Variants in IQSEC3 observed in about 807,000 individuals in gnomAD.
The protein encoded by IQSEC3 is IQ motif and Sec7 domain ArfGEF 3.
A neutral mutation model predicts 105.4 loss-of-function variants in IQSEC3; 50 were observed. The ratio of observed to expected loss-of-function variants is 0.47; its 90% CI spans 0.38 to 0.60. IQSEC3 has a LOEUF of 0.60. Among genes scored for constraint, IQSEC3 ranks in the 20% least tolerant of loss-of-function variants. The pLI is 0.00. For missense variants in IQSEC3, 1,415 were observed against 1,630.0 expected (o/e 0.87, Z 2.27); for synonymous variants, 708 against 746.0 (o/e 0.95, Z 0.83).
intron 5 of IQSEC3, among the ~76,000 whole-genome samples, chr12:146,386 C>T (rs2137018537): frequency 6.6e-6 from 1 of 152,352 alleles, no homozygotes; most frequent in South Asian, 2.1e-4. Context: ...GAGGCCAAGG[C>T]ATCAGAATCA....
intron 1 of IQSEC3, among the ~76,000 whole-genome samples, chr12:71,790 T>C (rs1235202022): frequency 7.2e-5 from 11 of 152,282 alleles, no homozygotes; most frequent in African/African-American, 1.9e-4. Flanking sequence ...TGGCATCGTA[T>C]GGCCCATGCT....
chr12:81,007 G>A (rs2136883189), intron 1 of IQSEC3, among the ~76,000 whole-genome samples: 1 of 151,704 alleles, frequency 6.6e-6, no homozygotes, highest in Middle Eastern at 3.4e-3. Context: ...GGGCATGGGA[G>A]GGTAGGAGGG....
rs1159592072 is a variant in IQSEC3 at position 152,815 on chromosome 12, A to G, written c.2154-4210A>G. 1.3e-5 allele frequency among the ~76,000 whole-genome samples: 2 copies of G among 152,210 alleles called. No individual in the cohort carries two copies. Among genetic ancestry groups the G allele is most frequent in the Non-Finnish European group, 2.9e-5 (2 of 68,044 alleles). ...GCTGTGGGAGCATGGGGCCAGCCCT[A>G]CGTGGCATTAGTTTTGTCTTCTGTA... On this transcript the variant is annotated intron_variant, in intron 5 of 13. Transcript: ENST00000538872. The surrounding 1 kb of genome is among the most constrained non-coding windows in gnomAD (Gnocchi z 4.8).
intron 3 of IQSEC3, among the ~76,000 whole-genome samples, chr12:127,668 C>T (rs12313653): frequency 0.037 from 5,620 of 152,128 alleles, 339 homozygotes; most frequent in African/African-American, 0.12. Context: ...TCAGGCCCTT[C>T]GCCCACTTTT....
chr12:163,438 G>A (rs528624727), intron 8 of IQSEC3, 56 bp from the exon 9 acceptor site: 2 of 1,524,032 alleles, frequency 1.3e-6, no homozygotes, highest in Non-Finnish European at 1.8e-6. Context: ...GGGCGCGTGG[G>A]TGGGGAGGCC....
intron 3 of IQSEC3, among the ~76,000 whole-genome samples, chr12:133,125 C>G (rs1179230561): frequency 6.6e-6 from 1 of 152,152 alleles, no homozygotes; most frequent in African/African-American, 2.4e-5. Flanking sequence ...GCAGACAGGG[C>G]TGAGAAGGTA....
chr12:136,961 C>T (rs73036139), intron 3 of IQSEC3, among the ~76,000 whole-genome samples: 31,796 of 151,970 alleles, frequency 0.21, 3,768 homozygotes, highest in Non-Finnish European at 0.26. Context: ...AGGACAGAGC[C>T]GAGAGGAGGC....
intron 13 of IQSEC3, among the ~76,000 whole-genome samples, chr12:172,232 C>T (rs1939042760): frequency 6.6e-6 from 1 of 151,574 alleles, no homozygotes; most frequent in Non-Finnish European, 1.5e-5. Context: ...TGGCCCCCCA[C>T]CCCCCACACA....
Position 67,292 on chromosome 12 carries a change from C to T in IQSEC3, c.410C>T (p.Ser137Leu), listed in dbSNP as rs182788055. 32 of 1,598,176 alleles carry T rather than the reference C, an allele frequency of 2.0e-5. No homozygotes were observed. Among genetic ancestry groups the T allele is most frequent in the African/African-American group, 4.0e-5 (3 of 75,010 alleles). Residue 137 changes from serine to leucine, a missense_variant, in exon 1 of 14, where the codon TCG (serine) becomes TTG (leucine). By Grantham distance (145) the Ser-to-Leu change is moderately radical. Around this residue, in one of 6 missense-constraint regions of IQSEC3, gnomAD observed 26 missense variants for 108.1 expected, o/e 0.24. Transcript: ENST00000538872. ...GGCAGCAGGGCTCACACACCCCAGT[C>T]GCCCCACAAGCATCTGGGGACACAA... ...GPGSRAHTPQ[S>L]PHKHLGTQGA...
In IQSEC3 at chr12:141,171, C is replaced by G; in HGVS notation, c.2039C>G (p.Pro680Arg). 6.2e-7 allele frequency: 1 copy of G among 1,613,676 alleles called. No individual in the cohort carries two copies. Among genetic ancestry groups the G allele is most frequent in the Non-Finnish European group, 8.5e-7 (1 of 1,179,896 alleles). Residue 680 changes from proline (P) to arginine (R), a missense_variant, in exon 5 of 14, where the codon CCG (proline) becomes CGG (arginine). Pro to Arg is a moderately radical substitution (Grantham distance 103). Around this residue, in one of 6 missense-constraint regions of IQSEC3, gnomAD observed 213 missense variants for 306.2 expected, o/e 0.70. Transcript: ENST00000538872. ...TTCCTGATCTCACGCGGCTTCATCC[C>G]GGACACCCCCATCGGTGTGGCCCAT... ...IQFLISRGFI[P>R]DTPIGVAHFL...
chr12:93,567 C>T (rs1453555645), intron 1 of IQSEC3, among the ~76,000 whole-genome samples: 1 of 152,184 alleles, frequency 6.6e-6, no homozygotes, highest in African/African-American at 2.4e-5. Flanking sequence ...TTGGAGGCAG[C>T]GTCAGAGGAT....
chr12:157,456 C>A, intron 6 of IQSEC3, 72 bp from the exon 7 acceptor site: 1 of 1,484,082 alleles, frequency 6.7e-7, no homozygotes, highest in Non-Finnish European at 9.1e-7. Context: ...CCTGGACACC[C>A]CCTTCCTTTG....
Position 174,583 on chromosome 12 carries a change from G to A in IQSEC3, c.3115-16G>A, listed in dbSNP as rs1413771942. 1.3e-6 allele frequency: 2 copies of A among 1,519,160 alleles called. No individual in the cohort carries two copies. Among genetic ancestry groups the A allele is most frequent in the South Asian group, 1.3e-5 (1 of 79,082 alleles). The allele number at this position is 1,519,160 out of a possible 1,614,324, so 94.1% of individuals were successfully genotyped here. A position where few individuals can be genotyped will look rare whatever the true frequency, so the allele number is the denominator to read the frequency against. On this transcript the variant is annotated splice_polypyrimidine_tract_variant and intron_variant, in intron 13 of 13. Transcript: ENST00000538872. ...TCTTGTAACATTTCATGCTTCTCTG[G>A]CTGTTTCTAAACTAGGTGTCAATTC...
At chr12:125,083 T>C (rs7316033) in intron 2 of IQSEC3, among the ~76,000 whole-genome samples, 46,748 of 152,076 alleles carry the variant, frequency 0.31, 7,930 homozygotes, top group East Asian at 0.56. Flanking sequence ...AGTCTAAAGA[T>C]GAGCTGGCTT....
At chr12:114,503 G>C (rs1489232023) in intron 2 of IQSEC3, among the ~76,000 whole-genome samples, 1 of 152,206 alleles carries the variant, frequency 6.6e-6, no homozygotes, top group Non-Finnish European at 1.5e-5. Flanking sequence ...TATTCAAAAA[G>C]AGAGAAAGAG....
chr12:141,652 A>C (rs888275377), intron 5 of IQSEC3: 1 of 231,852 alleles, frequency 4.3e-6, no homozygotes. Context: ...AGAGCCCCTC[A>C]GCCCCCCTCC....
intron 1 of IQSEC3, among the ~76,000 whole-genome samples, chr12:77,055 A>G (rs1376045146): frequency 6.6e-6 from 1 of 152,286 alleles, no homozygotes; most frequent in Non-Finnish European, 1.5e-5. Flanking sequence ...AACAGCAGCT[A>G]CAAAAACTCT....
At chr12:70,155 G>A (rs547246146) in intron 1 of IQSEC3, among the ~76,000 whole-genome samples, 1 of 152,354 alleles carries the variant, frequency 6.6e-6, no homozygotes, top group Admixed American at 6.5e-5. Context: ...AGTGGGTGAG[G>A]GTTTCCAGAG....
chr12:137,717 AT>A (rs1423395553), intron 3 of IQSEC3: 1 of 152,238 alleles, frequency 6.6e-6, no homozygotes, highest in African/African-American at 2.4e-5. Context: ...CTGTGGTACA[AT>A]CATAGCTCAC....
Sources: gnomAD v4.1 joint callset for allele counts (sites outside exome capture counted in the v4.1 genomes callset) on GRCh38, gnomAD v4.1.1 for gene constraint, gnomAD v4.1.1 regional missense constraint, Gnocchi (gnomAD v3.1) non-coding constraint, MANE v1.5 for transcripts, NCBI Gene and HGNC (gene_info 2026-07-23, HGNC 2026-07-21) for gene names.